Variants in SLC6A9 observed in about 807,000 individuals in gnomAD.
SLC6A9 encodes the protein solute carrier family 6 member 9, also known as sodium- and chloride-dependent glycine transporter 1.
Under a neutral mutation model 70.9 loss-of-function variants are expected in SLC6A9, and 31 were observed. The ratio of observed to expected loss-of-function variants is 0.44; its 90% CI spans 0.33 to 0.59. The LOEUF is 0.59. Ranked by LOEUF, SLC6A9 falls within the 20% of genes least tolerant of loss-of-function variation. The pLI, the probability that SLC6A9 is intolerant of heterozygous loss-of-function variation, is 0.04. For missense variants in SLC6A9, 631 were observed against 845.2 expected (o/e 0.75, Z 3.14); for synonymous variants, 310 against 341.3 (o/e 0.91, Z 1.01).
At chr1:44,009,378 C>G (rs1448436064) in intron 4 of SLC6A9, among the ~76,000 whole-genome samples, 2 of 152,044 alleles carry the variant, frequency 1.3e-5, no homozygotes, top group Non-Finnish European at 2.9e-5. Context: ...TGCCACCACA[C>G]CAAGCTAATT....
chr1:43,998,157 G>GCT (rs1448900759), intron 12 of SLC6A9, 132 bp from the exon 13 acceptor site: 8 of 841,330 alleles, frequency 9.5e-6, no homozygotes, highest in Middle Eastern at 3.0e-4. Flanking sequence ...AACAGGGACA[G>GCT]CTGTCAACAT....
At position 44,002,467 on chromosome 1, in the gene SLC6A9, C is replaced by A; in HGVS notation, c.858+45G>T. The A allele has an allele frequency of 6.2e-7, 1 of 1,613,422 alleles. No homozygotes were observed. The highest frequency in any genetic ancestry group is 8.5e-7 in the Non-Finnish European group (1 of 1,179,412). Reference sequence around the variant, plus strand: ...GAGCTGTGGGCAGAGGCAGGCACCTCCCTGGCCCCTCCCCAGCCCCCTTCC... The same window carrying A: ...GAGCTGTGGGCAGAGGCAGGCACCTACCTGGCCCCTCCCCAGCCCCCTTCC... On this transcript the variant is annotated intron_variant, in intron 7 of 13. Transcript: ENST00000372310. This position sits in a 1 kb window ranked among gnomAD's most constrained non-coding sequence, Gnocchi z 5.5.
chr1:44,023,631 G>A (rs1041325724), intron 2 of SLC6A9, among the ~76,000 whole-genome samples: 11 of 152,162 alleles, frequency 7.2e-5, no homozygotes, highest in Admixed American at 2.0e-4. Context: ...GCAACAGAGT[G>A]AGACTTAGTC....
rs1571884282 is a variant in SLC6A9, at chr1:44,010,952, C to T, written c.31-70G>A. 3.8e-5 allele frequency: 58 copies of T among 1,539,900 alleles called. No homozygotes were observed. The East Asian group carries it at 1.3e-3, about 33-fold the overall frequency. On this transcript the variant is annotated intron_variant, in intron 2 of 13. Coordinates refer to ENST00000372310, the MANE Select transcript of SLC6A9 (RefSeq NM_001024845.3). ...TCCATGCCTGACCCTCTGGGCCTCC[C>T]CCAGCAGGGAAACCGTGGCCCCTCC...
intron 2 of SLC6A9, chr1:44,011,445 TGGG>T (rs1327873074): frequency 1.2e-5 from 10 of 840,622 alleles, no homozygotes; most frequent in Admixed American, 2.1e-5. Context: ...TGGGGGGAAA[TGGG>T]GGAGCAGCTG....
intron 2 of SLC6A9, chr1:44,017,062 G>C: frequency 6.3e-7 from 1 of 1,599,404 alleles, no homozygotes. Context: ...CTGGGGAAGA[G>C]GGGGCCACAG....
rs1490535034 is a variant in SLC6A9 at position 44,018,528 on chromosome 1, A to G, written c.30+5720T>C. ...AGAATCGCTTGAACCCGGGAGGTGG[A>G]GGTTGCAGTGAGCCGAGATCGCGCC... On this transcript the variant is annotated intron_variant, in intron 2 of 13. Transcript: ENST00000372310. This position sits in a 1 kb window ranked among gnomAD's most constrained non-coding sequence, Gnocchi z 4.2. 1.3e-5 allele frequency among the ~76,000 whole-genome samples: 2 copies of G among 151,754 alleles called. No individual in the cohort carries two copies. Among genetic ancestry groups the G allele is most frequent in the Non-Finnish European group, 2.9e-5 (2 of 67,990 alleles).
intron 2 of SLC6A9, among the ~76,000 whole-genome samples, chr1:44,023,167 G>A (rs561689757): frequency 6.6e-6 from 1 of 152,158 alleles, no homozygotes; most frequent in Admixed American, 6.5e-5. Context: ...CTGAGGGAGG[G>A]ACTGTCCATG....
intron 4 of SLC6A9, among the ~76,000 whole-genome samples, chr1:44,009,182 A>G (rs1334315879): frequency 6.7e-6 from 1 of 149,362 alleles, no homozygotes; most frequent in Non-Finnish European, 1.5e-5. Flanking sequence ...ATGCGCCACC[A>G]TATCTGGATA....
chr1:44,024,722 T>G (rs2086950482), intron 1 of SLC6A9, among the ~76,000 whole-genome samples: 1 of 152,210 alleles, frequency 6.6e-6, no homozygotes, highest in Admixed American at 6.5e-5. Flanking sequence ...TCAGCTCAGA[T>G]CAGCACACTC....
In SLC6A9 at chr1:43,999,941, C is replaced by CG. The variant is rs565500047; in HGVS notation, c.1536+825dup. On this transcript the variant is annotated intron_variant, in intron 12 of 13. Coordinates refer to ENST00000372310, the MANE Select transcript of SLC6A9 (RefSeq NM_001024845.3). Reference sequence around the variant, plus strand: ...CCAAACAGGAAGGAGCCAAGTCATACGGTTTTGGCCCCTGGACCATTCCTC... The same window carrying CG: ...CCAAACAGGAAGGAGCCAAGTCATACGGGTTTTGGCCCCTGGACCATTCCTC... Among the ~76,000 whole-genome samples the CG allele has an allele frequency of 2.8e-4, 43 of 152,332 alleles. No homozygotes were observed. The East Asian group carries it at 4.6e-3, about 16-fold the overall frequency.
chr1:44,020,252 CCCA>C (rs1369344309), intron 2 of SLC6A9, among the ~76,000 whole-genome samples: 3 of 152,208 alleles, frequency 2.0e-5, no homozygotes, highest in African/African-American at 7.2e-5. Context: ...CAGCAGAGTG[CCCA>C]CCGTGTGCCA....
intron 4 of SLC6A9, among the ~76,000 whole-genome samples, chr1:44,009,626 A>AAC (rs2086472310): frequency 6.6e-6 from 1 of 152,244 alleles, no homozygotes; most frequent in Admixed American, 6.5e-5. Flanking sequence ...GGCGTGAGCC[A>AAC]CTGTGCCTGG....
chr1:44,028,857 GGCT>G (rs2087035803), intron 1 of SLC6A9, among the ~76,000 whole-genome samples: 1 of 151,986 alleles, frequency 6.6e-6, no homozygotes, highest in African/African-American at 2.4e-5. Flanking sequence ...AAAATGAAGG[GGCT>G]CAGGTTAGGA....
intron 5 of SLC6A9, among the ~76,000 whole-genome samples, chr1:44,005,696 T>C (rs2086283095): frequency 6.6e-6 from 1 of 152,240 alleles, no homozygotes; most frequent in Non-Finnish European, 1.5e-5. Context: ...AGTCTGAAAA[T>C]ATGGATACTA....
rs200382011 is a variant in SLC6A9, at chr1:44,008,629, G to A, written c.320-6C>T. On this transcript the variant is annotated splice_region_variant and splice_polypyrimidine_tract_variant and intron_variant, in intron 4 of 13. Coordinates refer to ENST00000372310, the MANE Select transcript of SLC6A9 (RefSeq NM_001024845.3). The stretch of plus-strand genomic sequence containing the variant: ...CATCATACCATAGCCCACTCCTGCA[G>A]GAGGGGAGGGGTGGGGGGAGGAGCC... 2.5e-6 allele frequency: 4 copies of A among 1,611,368 alleles called. No homozygotes were observed. The Admixed American group carries it at 6.7e-5, about 27-fold the overall frequency.
chr1:44,030,027 A>T (rs912385213), intron 1 of SLC6A9, among the ~76,000 whole-genome samples: 1 of 152,136 alleles, frequency 6.6e-6, no homozygotes, highest in South Asian at 2.1e-4. Flanking sequence ...TCAGCGAGCA[A>T]GCGTCCCGTC....
Position 44,002,267 on chromosome 1 carries a change from G to T in SLC6A9, c.962+46C>A. Reference sequence around the variant, plus strand: ...GCACTGGAGCTGAGATCAGGCTGCAGAGAGTGCAGGAAGGGGGCAGCCTCA... The same window carrying T: ...GCACTGGAGCTGAGATCAGGCTGCATAGAGTGCAGGAAGGGGGCAGCCTCA... On this transcript the variant is annotated intron_variant, in intron 8 of 13. Coordinates refer to ENST00000372310, the MANE Select transcript of SLC6A9 (RefSeq NM_001024845.3). This position sits in a 1 kb window ranked among gnomAD's most constrained non-coding sequence, Gnocchi z 5.5. 1 of 1,354,102 alleles carries T rather than the reference G, an allele frequency of 7.4e-7. No homozygotes were observed. Among genetic ancestry groups the T allele is most frequent in the South Asian group, 1.2e-5 (1 of 85,878 alleles). 83.9% of individuals were successfully genotyped at this position (1,354,102 alleles called of 1,614,324 possible). A position where few individuals can be genotyped will look rare whatever the true frequency, so the allele number is the denominator to read the frequency against.
chr1:44,010,606 G>A, intron 3 of SLC6A9, 120 bp downstream of exon 3: 1 of 997,910 alleles, frequency 1.0e-6, no homozygotes, highest in Non-Finnish European at 1.5e-6. Context: ...GGGCGAAGGA[G>A]GCCAGGGCCA....
Sources: allele counts gnomAD v4.1 joint callset (sites outside exome capture counted in the v4.1 genomes callset), GRCh38; gene constraint gnomAD v4.1.1; non-coding constraint Gnocchi (gnomAD v3.1); transcripts MANE v1.5; gene names NCBI Gene and HGNC (gene_info 2026-07-23, HGNC 2026-07-21).